Variants in GAPVD1 observed in about 807,000 individuals in gnomAD.
The protein encoded by GAPVD1 is GTPase-activating protein and VPS9 domain-containing protein 1.
In GAPVD1, 35 loss-of-function variants were observed where a neutral mutation model predicts 155.5. The observed-to-expected ratio is 0.23, with a 90% CI of 0.17 to 0.30. The LOEUF (loss-of-function observed/expected upper bound fraction) is 0.30. Ranked by LOEUF, GAPVD1 falls within the 10% of genes least tolerant of loss-of-function variation. The pLI is 1.00. For synonymous variants in GAPVD1, 636 were observed against 619.7 expected (o/e 1.03, Z -0.39); for missense variants, 1,429 against 1,775.7 (o/e 0.80, Z 3.51).
At chr9:125,350,473 T>C in intron 22 of GAPVD1, 69 bp downstream of exon 22, 1 of 1,009,000 alleles carries the variant, frequency 9.9e-7, no homozygotes, top group Non-Finnish European at 1.6e-6. Flanking sequence ...TTGCCAGTAT[T>C]CAGCTGTTGA....
intron 15 of GAPVD1, among the ~76,000 whole-genome samples, chr9:125,333,269 C>T (rs774051459): frequency 6.6e-6 from 1 of 151,346 alleles, no homozygotes; most frequent in African/African-American, 2.4e-5. Flanking sequence ...TTAGTAGATA[C>T]GGGGGTTTCA....
rs1285938882 is a variant in GAPVD1, at chr9:125,354,837, T to C, written c.3753T>C (p.Ile1251=). The stretch of plus-strand genomic sequence containing the variant: ...AAGAAAAGAAGATCAGGGAATTCAT[T>C]CAAGGTAACTCAATACCTTTAGTTT... The part of the protein sequence containing the change: ...ESKEKKIREF[I]QDFQKLTAAD... The change falls in exon 24 of 28, where the codon ATT becomes ATC. Residue 1251 remains isoleucine, a synonymous_variant. Coordinates refer to ENST00000297933, the MANE Select transcript of GAPVD1 (RefSeq NM_001282680.3). 1 of 1,600,954 alleles carries C rather than the reference T, an allele frequency of 6.2e-7. No homozygotes were observed. The highest frequency in any genetic ancestry group is 8.6e-7 in the Non-Finnish European group (1 of 1,168,094).
In GAPVD1 at chr9:125,362,797, C is replaced by T. The variant is rs1295034719; in HGVS notation, c.*51C>T. The T allele has an allele frequency of 6.4e-7, 1 of 1,564,728 alleles. No individual in the cohort carries two copies. Among genetic ancestry groups the T allele is most frequent in the East Asian group, 2.3e-5 (1 of 44,288 alleles). On this transcript the variant is annotated 3_prime_UTR_variant, in exon 28 of 28. Coordinates refer to ENST00000297933, the MANE Select transcript of GAPVD1 (RefSeq NM_001282680.3). ...CAGACTGTTAATCAGACAAACAGAT[C>T]TCTGAGAAGGTGCATCAGCTGCTTT...
intron 25 of GAPVD1, among the ~76,000 whole-genome samples, chr9:125,357,676 T>TA (rs1023446645): frequency 2.0e-5 from 3 of 151,970 alleles, no homozygotes; most frequent in African/African-American, 7.3e-5. Flanking sequence ...TAAAGCTGTT[T>TA]AAAAATATTA....
intron 2 of GAPVD1, among the ~76,000 whole-genome samples, chr9:125,294,344 A>ATGGCTT (rs1253744935): frequency 6.9e-6 from 1 of 145,204 alleles, no homozygotes; most frequent in Non-Finnish European, 1.5e-5. Context: ...CCCGGCCAAA[A>ATGGCTT]TGGCTTTTTT....
chr9:125,275,175 A>T (rs1009905192), intron 2 of GAPVD1, among the ~76,000 whole-genome samples: 2 of 152,076 alleles, frequency 1.3e-5, no homozygotes, highest in Admixed American at 1.3e-4. Flanking sequence ...TCCTGGCTTC[A>T]AGTGATTCTT....
In GAPVD1 at chr9:125,350,372, G is replaced by A. The variant is rs1363610973; in HGVS notation, c.3377G>A (p.Arg1126Lys). The part of the protein sequence containing the change: ...VAFPVLTHST[R>K]NGLPDHTDPE... Reference sequence around the variant, plus strand: ...TTCCCAGTGCTGACCCATTCAACAAGGAATGGTTTACCAGACCACACAGAC... The same window carrying A: ...TTCCCAGTGCTGACCCATTCAACAAAGAATGGTTTACCAGACCACACAGAC... The change falls in exon 22 of 28, where the codon AGG becomes AAG. Residue 1126 changes from arginine to lysine, a missense_variant. Arg to Lys is a conservative substitution (Grantham distance 26). This residue lies in a region of GAPVD1 where 699 missense variants were observed against 826.0 expected (regional missense o/e 0.85). Coordinates refer to ENST00000297933, the MANE Select transcript of GAPVD1 (RefSeq NM_001282680.3). 6.2e-7 allele frequency: 1 copy of A among 1,608,948 alleles called. No homozygotes were observed. Among genetic ancestry groups the A allele is most frequent in the African/African-American group, 1.3e-5 (1 of 74,754 alleles).
rs371152543 is a variant in GAPVD1 at position 125,305,056 on chromosome 9, G to C, written c.1030-7G>C. Reference sequence around the variant, plus strand: ...TTATGTCTCCCTACCACTGCTTTGGGTTGCAGGTAGGCCGCCTTTTGCAGC... The same window carrying C: ...TTATGTCTCCCTACCACTGCTTTGGCTTGCAGGTAGGCCGCCTTTTGCAGC... On this transcript the variant is annotated splice_region_variant and splice_polypyrimidine_tract_variant and intron_variant, in intron 5 of 27. Coordinates refer to ENST00000297933, the MANE Select transcript of GAPVD1 (RefSeq NM_001282680.3). 6.2e-7 allele frequency: 1 copy of C among 1,606,986 alleles called. No homozygotes were observed. Among genetic ancestry groups the C allele is most frequent in the African/African-American group, 1.3e-5 (1 of 74,758 alleles).
chr9:125,341,115 C>A, intron 17 of GAPVD1, 62 bp from the exon 18 acceptor site: 1 of 875,742 alleles, frequency 1.1e-6, no homozygotes, highest in Non-Finnish European at 2.0e-6. Flanking sequence ...AAAAAGAAAT[C>A]CTTTTCTTAG....
intron 11 of GAPVD1, among the ~76,000 whole-genome samples, chr9:125,324,851 CT>C (rs573555652): frequency 1.5e-3 from 230 of 152,244 alleles, no homozygotes; most frequent in African/African-American, 4.9e-3. Flanking sequence ...CCACTGAAGG[CT>C]TTTGGTTCAG....
Position 125,302,496 on chromosome 9 carries a change from A to G in GAPVD1, c.699A>G (p.Lys233=). The part of the protein sequence containing the change: ...IERFSPSQQE[K]LFGEKGSDRF... Reference sequence around the variant, plus strand: ...GGTTCTCTCCATCTCAGCAGGAAAAACTCTTTGGAGAGAAGGGCTCAGATA... The same window carrying G: ...GGTTCTCTCCATCTCAGCAGGAAAAGCTCTTTGGAGAGAAGGGCTCAGATA... Residue 233 remains lysine, a synonymous_variant, in exon 5 of 28, where the codon AAA becomes AAG. Coordinates refer to ENST00000297933, the MANE Select transcript of GAPVD1 (RefSeq NM_001282680.3). 3 of 1,613,714 alleles carry G rather than the reference A, an allele frequency of 1.9e-6. No individual in the cohort carries two copies. The highest frequency in any genetic ancestry group is 2.5e-6 in the Non-Finnish European group (3 of 1,179,962).
intron 12 of GAPVD1, among the ~76,000 whole-genome samples, chr9:125,329,257 T>C (rs1845728740): frequency 6.6e-6 from 1 of 152,232 alleles, no homozygotes; most frequent in Non-Finnish European, 1.5e-5. Flanking sequence ...GTGAGTGCTA[T>C]GAAGATGTGT....
At chr9:125,298,074 A>G (rs993912611) in intron 3 of GAPVD1, among the ~76,000 whole-genome samples, 3 of 152,150 alleles carry the variant, frequency 2.0e-5, no homozygotes, top group Non-Finnish European at 4.4e-5. Context: ...TCACTATGCT[A>G]TGTAGAGAAC....
At chr9:125,347,894 A>AT (rs1320298483) in intron 20 of GAPVD1, among the ~76,000 whole-genome samples, 3 of 152,118 alleles carry the variant, frequency 2.0e-5, no homozygotes, top group African/African-American at 7.2e-5. Flanking sequence ...AACTTCCTGT[A>AT]TTTTTTTATT....
At chr9:125,336,066 G>C (rs937510870) in intron 15 of GAPVD1, among the ~76,000 whole-genome samples, 1 of 150,162 alleles carries the variant, frequency 6.7e-6, no homozygotes, top group Non-Finnish European at 1.5e-5. Flanking sequence ...GATCACTCGA[G>C]CCCAAGAGAT....
Position 125,336,678 on chromosome 9 carries a change from C to T in GAPVD1, c.2429-340C>T, listed in dbSNP as rs541827378. The T allele has an allele frequency of 1.8e-3, 400 of 217,426 alleles. 1 individual carries two copies. The highest frequency in any genetic ancestry group is 3.0e-3 in the Non-Finnish European group (331 of 108,812). 13.5% of individuals were successfully genotyped at this position (217,426 alleles called of 1,614,324 possible). ...CCTATATTTTCAGGTGAGGGGAAGG[C>T]GAGGCTCAGGGAAGCTGTGACATTC... On this transcript the variant is annotated intron_variant, in intron 15 of 27. Transcript: ENST00000297933.
In GAPVD1 at chr9:125,305,325, G is replaced by A. The variant is rs190977269; in HGVS notation, c.1116+176G>A. Among the ~76,000 whole-genome samples the A allele has an allele frequency of 3.3e-5, 5 of 151,732 alleles. No homozygotes were observed. In the East Asian group the frequency reaches 7.7e-4, roughly 24 times the overall value. ...CCCACAGATGTATTGAGGAGATGCC[G>A]TCGTAAGAGAATCAAAGAGCTGTTA... On this transcript the variant is annotated intron_variant, in intron 6 of 27. Coordinates refer to ENST00000297933, the MANE Select transcript of GAPVD1 (RefSeq NM_001282680.3).
In GAPVD1 at chr9:125,266,340, G is replaced by A. The variant is rs534196767; in HGVS notation, c.-198-2596G>A. Among the ~76,000 whole-genome samples the A allele has an allele frequency of 8.9e-4, 134 of 149,874 alleles. 1 individual carries two copies. The highest frequency in any genetic ancestry group is 3.8e-4 in the Non-Finnish European group (26 of 67,600). On this transcript the variant is annotated intron_variant, in intron 1 of 27. Coordinates refer to ENST00000297933, the MANE Select transcript of GAPVD1 (RefSeq NM_001282680.3). ...TTTTATTTTTTTTTTTTTAGACGGA[G>A]TCTCGCTCTGTCGCCCAGGCTGGAG...
intron 12 of GAPVD1, among the ~76,000 whole-genome samples, chr9:125,327,797 C>T (rs1164196755): frequency 2.6e-5 from 4 of 152,152 alleles, no homozygotes; most frequent in Non-Finnish European, 4.4e-5. Context: ...AGCCATTGCT[C>T]CCGGCCTAAA....
Sources: gnomAD v4.1 joint callset for allele counts (sites outside exome capture counted in the v4.1 genomes callset) on GRCh38, gnomAD v4.1.1 for gene constraint, gnomAD v4.1.1 regional missense constraint, MANE v1.5 for transcripts, NCBI Gene and HGNC (gene_info 2026-07-23, HGNC 2026-07-21) for gene names.